The following SPOCK3 variants were observed in gnomAD, a reference collection of about 807,000 sequenced individuals.
SPOCK3 encodes testican-3.
In SPOCK3, 30 loss-of-function variants were observed where a neutral mutation model predicts 56.6. The observed-to-expected ratio is 0.53, with a 90% CI of 0.40 to 0.72. The LOEUF is 0.72. Ranked by LOEUF, SPOCK3 falls within the 30% of genes least tolerant of loss-of-function variation. The probability of loss-of-function intolerance (pLI) is 0.00; values close to 1 mark genes in which losing one functional copy is unlikely to be tolerated. For missense variants in SPOCK3, 527 were observed against 530.0 expected (o/e 0.99, Z 0.06); for synonymous variants, 196 against 183.3 (o/e 1.07, Z -0.56).
At chr4:166,762,551 T>C (rs369495895) in intron 7 of SPOCK3, among the ~76,000 whole-genome samples, 8 of 152,126 alleles carry the variant, frequency 5.3e-5, no homozygotes, top group African/African-American at 1.9e-4. Flanking sequence ...TTCAACCAAT[T>C]CTGAAAGCTC....
intron 7 of SPOCK3, among the ~76,000 whole-genome samples, chr4:166,787,324 G>A (rs767751942): frequency 8.0e-5 from 12 of 150,068 alleles, no homozygotes; most frequent in African/African-American, 2.8e-4. Context: ...CCAGAAAAAC[G>A]TGTGATTTGG....
intron 7 of SPOCK3, among the ~76,000 whole-genome samples, chr4:166,772,657 T>C (rs1424417041): frequency 6.6e-6 from 1 of 151,990 alleles, no homozygotes; most frequent in East Asian, 1.9e-4. Context: ...TTTTTAGGAG[T>C]CTGAATATTA....
At chr4:166,845,485 T>C (rs1479660517) in intron 6 of SPOCK3, among the ~76,000 whole-genome samples, 1 of 152,168 alleles carries the variant, frequency 6.6e-6, no homozygotes, top group African/African-American at 2.4e-5. Flanking sequence ...ATATTTTTTC[T>C]CATATTTCAG....
chr4:167,019,018 C>T (rs149018379), intron 3 of SPOCK3, among the ~76,000 whole-genome samples: 118 of 152,078 alleles, frequency 7.8e-4, no homozygotes, highest in Non-Finnish European at 1.2e-3. Context: ...CCATTTGAAA[C>T]GATAAAAAAT....
At chr4:167,077,761 C>A (rs1757326964) in intron 2 of SPOCK3, among the ~76,000 whole-genome samples, 1 of 151,496 alleles carries the variant, frequency 6.6e-6, no homozygotes. Context: ...CTATTGGTAA[C>A]CATTGTAATG....
At chr4:166,934,919 GA>G (rs111742345) in intron 4 of SPOCK3, among the ~76,000 whole-genome samples, 11 of 147,000 alleles carry the variant, frequency 7.5e-5, no homozygotes, top group South Asian at 2.1e-4. Context: ...TTTGAGAAAA[GA>G]AAAAAAAAAC....
intron 4 of SPOCK3, among the ~76,000 whole-genome samples, chr4:166,957,873 T>C (rs1383536952): frequency 6.6e-6 from 1 of 152,148 alleles, no homozygotes; most frequent in Non-Finnish European, 1.5e-5. Context: ...TACAGGCTCA[T>C]AGGTGGAAGA....
chr4:166,934,215 G>T (rs1407197210), intron 4 of SPOCK3, among the ~76,000 whole-genome samples: 2 of 151,990 alleles, frequency 1.3e-5, no homozygotes, highest in Non-Finnish European at 2.9e-5. Flanking sequence ...TCACGGCCGG[G>T]CGCAGTGGCT....
chr4:167,023,946 GGGCAGA>G (rs1234433611), intron 3 of SPOCK3, among the ~76,000 whole-genome samples: 1 of 151,878 alleles, frequency 6.6e-6, no homozygotes, highest in African/African-American at 2.4e-5. Flanking sequence ...AGTTATTGGT[GGGCAGA>G]GGCAGAAAGA....
chr4:167,203,658 A>G (rs531085543), intron 2 of SPOCK3, among the ~76,000 whole-genome samples: 34 of 152,206 alleles, frequency 2.2e-4, no homozygotes, highest in African/African-American at 7.5e-4. Flanking sequence ...AAGCTACAAC[A>G]GCCAATTACG....
At chr4:167,199,040 T>C (rs967920538) in intron 2 of SPOCK3, among the ~76,000 whole-genome samples, 1 of 152,106 alleles carries the variant, frequency 6.6e-6, no homozygotes, top group Non-Finnish European at 1.5e-5. Context: ...AAGTGATCAC[T>C]ATTTGTATAG....
At chr4:167,154,138 T>C (rs190560702) in intron 2 of SPOCK3, among the ~76,000 whole-genome samples, 1 of 152,280 alleles carries the variant, frequency 6.6e-6, no homozygotes, top group African/African-American at 2.4e-5. Context: ...TATGTTCCTA[T>C]AGAAATATTA....
intron 5 of SPOCK3, among the ~76,000 whole-genome samples, chr4:166,911,221 G>T (rs1737229951): frequency 6.8e-6 from 1 of 147,276 alleles, no homozygotes; most frequent in African/African-American, 2.5e-5. Context: ...CTTCACTAAG[G>T]ATACACAGTA....
intron 2 of SPOCK3, among the ~76,000 whole-genome samples, chr4:167,148,993 A>G (rs1025346677): frequency 1.8e-4 from 28 of 152,104 alleles, no homozygotes; most frequent in African/African-American, 6.8e-4. Flanking sequence ...AATTTGAGTA[A>G]TTCTTTTGAA....
intron 5 of SPOCK3, among the ~76,000 whole-genome samples, chr4:166,892,662 A>C (rs915845789): frequency 3.3e-5 from 5 of 152,064 alleles, no homozygotes; most frequent in African/African-American, 1.2e-4. Flanking sequence ...ATTAGTCTAT[A>C]ATTACCAAAA....
At chr4:166,908,272 TCACACACACACACACACACACA>T (rs5863846) in intron 5 of SPOCK3, among the ~76,000 whole-genome samples, 1 of 138,474 alleles carries the variant, frequency 7.2e-6, no homozygotes, top group Admixed American at 7.3e-5. Flanking sequence ...ATGTTATTGT[TCACACACACACACACACACACA>T]CACACACACA....
At chr4:166,839,292 G>T (rs772310962) in intron 6 of SPOCK3, among the ~76,000 whole-genome samples, 1 of 152,088 alleles carries the variant, frequency 6.6e-6, no homozygotes, top group Non-Finnish European at 1.5e-5. Flanking sequence ...AGTGAGAGGG[G>T]AGTTCTTATT....
chr4:167,069,868 T>A (rs1756510941), intron 2 of SPOCK3, among the ~76,000 whole-genome samples: 1 of 151,968 alleles, frequency 6.6e-6, no homozygotes, highest in Non-Finnish European at 1.5e-5. Flanking sequence ...CATATGAATG[T>A]TAATCTGTAT....
chr4:167,221,345 G>A (rs1735896687), intron 2 of SPOCK3, among the ~76,000 whole-genome samples: 1 of 152,000 alleles, frequency 6.6e-6, no homozygotes, highest in African/African-American at 2.4e-5. Flanking sequence ...TGAAGCCTGG[G>A]CAACAGAGCA....
Sources: gnomAD v4.1 joint callset for allele counts (sites outside exome capture counted in the v4.1 genomes callset) on GRCh38, gnomAD v4.1.1 for gene constraint, MANE v1.5 for transcripts, NCBI Gene and HGNC (gene_info 2026-07-23, HGNC 2026-07-21) for gene names.